The following CSMD1 variants were observed in gnomAD, a reference collection of about 807,000 sequenced individuals.
CSMD1 encodes CUB and Sushi multiple domains 1.
In CSMD1, 213 loss-of-function variants were observed where a neutral mutation model predicts 417.5. That is an observed-to-expected ratio of 0.51 (90% CI 0.46 to 0.57). The LOEUF (loss-of-function observed/expected upper bound fraction) is 0.57. Ranked by LOEUF, CSMD1 falls within the 20% of genes least tolerant of loss-of-function variation. The pLI, the probability that CSMD1 is intolerant of heterozygous loss-of-function variation, is 0.00. For synonymous variants in CSMD1, 2,862 were observed against 1,736.8 expected (o/e 1.65, Z -16.11); for missense variants, 6,923 against 4,529.7 (o/e 1.53, Z -15.17).
At chr8:4,772,489 A>G (rs149412189) in intron 1 of CSMD1, among the ~76,000 whole-genome samples, 64 of 152,324 alleles carry the variant, frequency 4.2e-4, no homozygotes, top group African/African-American at 1.4e-3. Context: ...AGCAAAACAT[A>G]ATATAACATT....
At chr8:4,347,565 C>A (rs1042886787) in intron 3 of CSMD1, among the ~76,000 whole-genome samples, 2 of 152,116 alleles carry the variant, frequency 1.3e-5, no homozygotes, top group East Asian at 3.9e-4. Flanking sequence ...TCCCTGTTGC[C>A]TATTATTAAA....
chr8:4,727,149 G>A (rs998727496), intron 1 of CSMD1, among the ~76,000 whole-genome samples: 4 of 152,000 alleles, frequency 2.6e-5, no homozygotes, highest in African/African-American at 2.4e-5. Context: ...GGGACACTTC[G>A]CTCTCAATCC....
At chr8:3,370,068 C>T (rs1809852092) in intron 18 of CSMD1, among the ~76,000 whole-genome samples, 1 of 152,164 alleles carries the variant, frequency 6.6e-6, no homozygotes, top group African/African-American at 2.4e-5. Context: ...AAAATGGTAC[C>T]TACTGATAGA....
chr8:3,764,538 G>C (rs907441831), intron 5 of CSMD1, among the ~76,000 whole-genome samples: 1 of 152,056 alleles, frequency 6.6e-6, no homozygotes, highest in East Asian at 1.9e-4. Context: ...ACATCACCAG[G>C]TGGGGAGTAC....
chr8:4,065,477 T>G (rs1799195753), intron 3 of CSMD1, among the ~76,000 whole-genome samples: 1 of 152,364 alleles, frequency 6.6e-6, no homozygotes, highest in Non-Finnish European at 1.5e-5. Context: ...TGAATGTACA[T>G]TAGCTAATAC....
intron 5 of CSMD1, among the ~76,000 whole-genome samples, chr8:3,929,816 C>G (rs768448434): frequency 1.3e-5 from 2 of 149,472 alleles, no homozygotes; most frequent in Non-Finnish European, 3.0e-5. Flanking sequence ...CACATGCCAC[C>G]ATGCCTGGCT....
At chr8:4,776,648 G>C (rs566058194) in intron 1 of CSMD1, among the ~76,000 whole-genome samples, 2 of 152,272 alleles carry the variant, frequency 1.3e-5, no homozygotes, top group South Asian at 4.2e-4. Context: ...TAGGGGGGTT[G>C]TGAACTGACA....
intron 10 of CSMD1, among the ~76,000 whole-genome samples, chr8:3,552,066 G>A (rs760463322): frequency 6.6e-6 from 1 of 152,194 alleles, no homozygotes; most frequent in African/African-American, 2.4e-5. Context: ...GTTCTGTATT[G>A]TGAAAACAAA....
chr8:3,877,447 T>C (rs943731756), intron 5 of CSMD1, among the ~76,000 whole-genome samples: 18 of 152,188 alleles, frequency 1.2e-4, no homozygotes, highest in African/African-American at 4.3e-4. Context: ...TGAATTCTCT[T>C]AATCTAGCAG....
chr8:4,824,247 G>C (rs1355498676), intron 1 of CSMD1, among the ~76,000 whole-genome samples: 1 of 152,064 alleles, frequency 6.6e-6, no homozygotes, highest in Non-Finnish European at 1.5e-5. Context: ...GAGGGCTAGA[G>C]ATCTCAACAA....
intron 1 of CSMD1, among the ~76,000 whole-genome samples, chr8:4,773,664 G>A (rs994095081): frequency 1.8e-4 from 27 of 152,190 alleles, no homozygotes; most frequent in African/African-American, 6.3e-4. Context: ...ATGTGTTTGT[G>A]CAGCCTTTAT....
chr8:3,916,641 C>T (rs1255374707), intron 5 of CSMD1, among the ~76,000 whole-genome samples: 2 of 151,994 alleles, frequency 1.3e-5, no homozygotes, highest in Non-Finnish European at 2.9e-5. Context: ...ATATAGGTAC[C>T]CTGACAGGCA....
chr8:4,728,662 T>A (rs1326900955), intron 1 of CSMD1, among the ~76,000 whole-genome samples: 2 of 152,156 alleles, frequency 1.3e-5, no homozygotes, highest in African/African-American at 4.8e-5. Context: ...AACTAGTTAA[T>A]ATTGCTTAAG....
chr8:4,788,414 A>G (rs576025733), intron 1 of CSMD1: 1 of 1,337,410 alleles, frequency 7.5e-7, no homozygotes, highest in South Asian at 1.2e-5. Context: ...CTCTTTGACT[A>G]CCCAGGGTCT....
At chr8:4,310,538 C>T (rs1332928084) in intron 3 of CSMD1, among the ~76,000 whole-genome samples, 1 of 144,802 alleles carries the variant, frequency 6.9e-6, no homozygotes. Flanking sequence ...TCTTTGGACA[C>T]AATAAAATCT....
intron 1 of CSMD1, among the ~76,000 whole-genome samples, chr8:4,922,508 G>C (rs182311503): frequency 1.2e-4 from 19 of 152,196 alleles, no homozygotes; most frequent in African/African-American, 4.3e-4. Flanking sequence ...AATTTGACTC[G>C]TTTTACATTG....
At chr8:4,724,745 G>A (rs532957006) in intron 1 of CSMD1, among the ~76,000 whole-genome samples, 2 of 152,030 alleles carry the variant, frequency 1.3e-5, no homozygotes, top group Admixed American at 6.6e-5. Flanking sequence ...AGCTCTTGAA[G>A]CATTTATCAC....
intron 69 of CSMD1, among the ~76,000 whole-genome samples, chr8:2,940,519 C>G (rs1004340077): frequency 1.3e-5 from 2 of 152,156 alleles, no homozygotes; most frequent in African/African-American, 2.4e-5. Context: ...TCTCCCTTAT[C>G]TCTGGCTCTG....
chr8:4,463,198 C>G (rs1799944737), intron 2 of CSMD1, among the ~76,000 whole-genome samples: 1 of 152,142 alleles, frequency 6.6e-6, no homozygotes, highest in Admixed American at 6.6e-5. Context: ...TCTCAGCATC[C>G]TTAGCCATCA....
Sources: gnomAD v4.1 joint callset for allele counts (sites outside exome capture counted in the v4.1 genomes callset) on GRCh38, gnomAD v4.1.1 for gene constraint, MANE v1.5 for transcripts, NCBI Gene and HGNC (gene_info 2026-07-23, HGNC 2026-07-21) for gene names.